PTBP2: variants seen among roughly 807,000 people sequenced by gnomAD.
PTBP2 encodes polypyrimidine tract binding protein 2, also known as polypyrimidine tract-binding protein 2.
In PTBP2, 13 loss-of-function variants were observed where a neutral mutation model predicts 61.4. That is an observed-to-expected ratio of 0.21 (90% CI 0.14 to 0.34). PTBP2 has a LOEUF of 0.34. PTBP2 is among the 10% of genes least tolerant of loss of function. The pLI, the probability that PTBP2 is intolerant of heterozygous loss-of-function variation, is 1.00. For missense variants in PTBP2, 405 were observed against 642.6 expected (o/e 0.63, Z 4.00); for synonymous variants, 215 against 218.5 (o/e 0.98, Z 0.14).
chr1:96,780,031 C>G (rs748725839), intron 7 of PTBP2, among the ~76,000 whole-genome samples: 5 of 151,964 alleles, frequency 3.3e-5, no homozygotes, highest in Non-Finnish European at 5.9e-5. Flanking sequence ...TACCATATCT[C>G]TCCTCACTCT....
chr1:96,764,394 A>G (rs561091821), intron 3 of PTBP2, among the ~76,000 whole-genome samples: 65 of 152,344 alleles, frequency 4.3e-4, no homozygotes, highest in African/African-American at 1.5e-3. Flanking sequence ...AGCAGTGACT[A>G]TGAGGCTTGA....
chr1:96,819,265 T>C (rs545789187), downstream of PTBP2: 3 of 152,058 alleles, frequency 2.0e-5, no homozygotes, highest in Non-Finnish European at 4.4e-5. Flanking sequence ...CCTTACTGAA[T>C]GATGACTGAT....
At chr1:96,750,290 A>G (rs529612182) in intron 2 of PTBP2, among the ~76,000 whole-genome samples, 26 of 152,160 alleles carry the variant, frequency 1.7e-4, no homozygotes, top group African/African-American at 5.3e-4. Context: ...TTATAAAACT[A>G]TGCCATGCCA....
chr1:96,789,839 C>T (rs1209109044), intron 8 of PTBP2, among the ~76,000 whole-genome samples: 2 of 152,058 alleles, frequency 1.3e-5, no homozygotes, highest in African/African-American at 4.8e-5. Flanking sequence ...CATGTCTTCT[C>T]AAATATTACC....
intron 2 of PTBP2, among the ~76,000 whole-genome samples, chr1:96,734,903 CTTTTTTTTTTTTTTT>C (rs369053938): frequency 8.0e-6 from 1 of 124,964 alleles, no homozygotes. Flanking sequence ...CTTTTTTTTT[CTTTTTTTTTTTTTTT>C]TTTTCCTGCT....
At chr1:96,755,112 C>T (rs1396829115) in intron 3 of PTBP2, among the ~76,000 whole-genome samples, 1 of 152,034 alleles carries the variant, frequency 6.6e-6, no homozygotes, top group African/African-American at 2.4e-5. Context: ...GACTTCTATC[C>T]AGAATATTAA....
chr1:96,821,596 A>G (rs1278908892), exon 14 of PTBP2: 2 of 151,890 alleles, frequency 1.3e-5, no homozygotes, highest in Non-Finnish European at 2.9e-5. Context: ...ATGGATTACT[A>G]GCCACATAAA....
rs760443345 is a variant in PTBP2, at chr1:96,812,734, G to T, written c.1194G>T (p.Gln398His). ...TAGCCATGAATCATCTTAATGGACA[G>T]AAAATGTATGGAAAAATTATTCGTG... ...SQLAMNHLNG[Q>H]KMYGKIIRVT... Residue 398 changes from glutamine (Q) to histidine (H), a missense_variant, in exon 12 of 14, where the codon CAG becomes CAT. Coordinates refer to ENST00000674951, the MANE Select transcript of PTBP2 (RefSeq NM_021190.4). The T allele has an allele frequency of 1.9e-6, 3 of 1,601,168 alleles. No homozygotes were observed. The South Asian group carries it at 3.3e-5, about 18-fold the overall frequency.
intron 2 of PTBP2, among the ~76,000 whole-genome samples, chr1:96,742,995 T>C (rs1383616978): frequency 6.6e-6 from 1 of 152,188 alleles, no homozygotes; most frequent in African/African-American, 2.4e-5. Context: ...CTGTACAATT[T>C]CCACTTTCTG....
At chr1:96,748,307 A>G (rs1654104806) in intron 2 of PTBP2, among the ~76,000 whole-genome samples, 1 of 152,196 alleles carries the variant, frequency 6.6e-6, no homozygotes, top group Non-Finnish European at 1.5e-5. Context: ...AAAGTGATAC[A>G]TGGTATTAAT....
chr1:96,754,308 T>C (rs1172483171), intron 3 of PTBP2, among the ~76,000 whole-genome samples: 1 of 152,186 alleles, frequency 6.6e-6, no homozygotes, highest in African/African-American at 2.4e-5. Flanking sequence ...GGGCTCTCTC[T>C]TTTCCTATCA....
intron 5 of PTBP2, chr1:96,771,079 T>G (rs902977388): frequency 1.4e-4 from 50 of 349,768 alleles, no homozygotes; most frequent in Non-Finnish European, 3.6e-5. Flanking sequence ...GTTAAAATTT[T>G]TGTGTAGAAA....
At chr1:96,794,016 A>G (rs1660117249) in intron 8 of PTBP2, among the ~76,000 whole-genome samples, 1 of 152,238 alleles carries the variant, frequency 6.6e-6, no homozygotes, top group African/African-American at 2.4e-5. Flanking sequence ...ACTTAAGACT[A>G]TCTGATCATC....
At chr1:96,748,672 G>A (rs950546997) in intron 2 of PTBP2, among the ~76,000 whole-genome samples, 4 of 152,066 alleles carry the variant, frequency 2.6e-5, no homozygotes, top group Admixed American at 2.6e-4. Flanking sequence ...TTTTTAAAGA[G>A]CATGTATTCT....
intron 2 of PTBP2, among the ~76,000 whole-genome samples, chr1:96,727,312 T>G (rs1170644814): frequency 6.6e-6 from 1 of 152,200 alleles, no homozygotes; most frequent in African/African-American, 2.4e-5. Flanking sequence ...TGAGGGACAT[T>G]TGTATTGTTT....
exon 14 of PTBP2, chr1:96,822,962 CTTTTTTT>C (rs748133204): frequency 1.4e-5 from 2 of 144,804 alleles, no homozygotes; most frequent in Non-Finnish European, 3.0e-5. Context: ...AGATTTATCT[CTTTTTTT>C]TTTTTTTCTG....
intron 8 of PTBP2, among the ~76,000 whole-genome samples, chr1:96,786,329 T>C (rs1659197914): frequency 6.6e-6 from 1 of 152,132 alleles, no homozygotes; most frequent in Non-Finnish European, 1.5e-5. Context: ...TGCAAACAAA[T>C]CTGACCCTTT....
downstream of PTBP2, chr1:96,817,989 TTAAG>T (rs1467967061): frequency 6.6e-6 from 1 of 152,126 alleles, no homozygotes; most frequent in Non-Finnish European, 1.5e-5. Context: ...TAAATTGTGT[TTAAG>T]AAATAAGTCA....
chr1:96,792,765 T>C (rs895952915), intron 8 of PTBP2, among the ~76,000 whole-genome samples: 4 of 152,212 alleles, frequency 2.6e-5, no homozygotes, highest in African/African-American at 9.6e-5. Context: ...CTTATATTTT[T>C]ATCTTTTTGA....
Sources: gnomAD v4.1 joint callset for allele counts (sites outside exome capture counted in the v4.1 genomes callset) on GRCh38, gnomAD v4.1.1 for gene constraint, MANE v1.5 for transcripts, NCBI Gene and HGNC (gene_info 2026-07-23, HGNC 2026-07-21) for gene names.